Variants in NBEAL1 observed in about 807,000 individuals in gnomAD.
NBEAL1 encodes neurobeachin like 1, also known as neurobeachin-like protein 1.
A neutral mutation model predicts 351.3 loss-of-function variants in NBEAL1; 273 were observed. That is an observed-to-expected ratio of 0.78 (90% CI 0.70 to 0.86). The LOEUF (loss-of-function observed/expected upper bound fraction) is 0.86, where lower values mean the gene tolerates loss of function less well. NBEAL1 is among the 40% of genes least tolerant of loss of function. The pLI is 0.00. For missense variants in NBEAL1, 2,961 were observed against 3,201.3 expected (o/e 0.92, Z 1.81); for synonymous variants, 1,050 against 1,086.4 (o/e 0.97, Z 0.66).
chr2:203,199,805 C>A (rs2065344277), intron 49 of NBEAL1, among the ~76,000 whole-genome samples: 2 of 151,930 alleles, frequency 1.3e-5, no homozygotes, highest in Non-Finnish European at 2.9e-5. Context: ...ATTATCTCTT[C>A]TTCCCTCCTT....
chr2:203,177,579 C>A (rs2064548900), intron 42 of NBEAL1, among the ~76,000 whole-genome samples: 1 of 152,108 alleles, frequency 6.6e-6, no homozygotes, highest in Non-Finnish European at 1.5e-5. Flanking sequence ...CACTTCACAC[C>A]CACTATGATA....
intron 24 of NBEAL1, 38 bp downstream of exon 24, chr2:203,127,975 C>T (rs1211481500): frequency 2.1e-6 from 3 of 1,462,530 alleles, no homozygotes; most frequent in South Asian, 2.5e-5. Context: ...TCCTTTTTAA[C>T]ATTTGAGTTG....
At position 203,224,330 on chromosome 2, in the gene NBEAL1, C is replaced by A. The variant is rs976716338; in HGVS notation, c.*6976C>A. Among the ~76,000 whole-genome samples, 1 of 152,046 alleles carries A rather than the reference C, an allele frequency of 6.6e-6. No homozygotes were observed. The highest frequency in any genetic ancestry group is 2.4e-5 in the African/African-American group (1 of 41,446). On this transcript the variant is annotated 3_prime_UTR_variant, in exon 56 of 56. Transcript: ENST00000683969. ...GTTGGTTCCATTTAGAAACTCTTAACAGGTATGGCTTTCATTCCTCCAGTT... is the reference window on the plus strand; with the variant it reads ...GTTGGTTCCATTTAGAAACTCTTAAAAGGTATGGCTTTCATTCCTCCAGTT...
Position 203,223,588 on chromosome 2 carries a change from A to C in NBEAL1, c.*6234A>C, listed in dbSNP as rs536265480. On this transcript the variant is annotated 3_prime_UTR_variant, in exon 56 of 56. Transcript: ENST00000683969. The stretch of plus-strand genomic sequence containing the variant: ...AAATTAGGATTTAGGTGGGATTTTT[A>C]AAAATTTATCAATTCAGCTACTTTT... 6.6e-6 allele frequency among the ~76,000 whole-genome samples: 1 copy of C among 152,214 alleles called. No individual in the cohort carries two copies. Among genetic ancestry groups the C allele is most frequent in the African/African-American group, 2.4e-5 (1 of 41,580 alleles).
chr2:203,158,852 C>T (rs2063869603), intron 36 of NBEAL1, among the ~76,000 whole-genome samples: 1 of 127,524 alleles, frequency 7.8e-6, no homozygotes, highest in East Asian at 2.5e-4. Context: ...CAGGATCTCG[C>T]TGTGTCACCT....
chr2:203,200,695 A>G (rs932771721), intron 49 of NBEAL1, among the ~76,000 whole-genome samples: 1 of 152,144 alleles, frequency 6.6e-6, no homozygotes, highest in African/African-American at 2.4e-5. Context: ...CTCCACCTCA[A>G]AAAAACTAAA....
At chr2:203,121,451 GA>G (rs1251464010) in intron 18 of NBEAL1, among the ~76,000 whole-genome samples, 1 of 151,960 alleles carries the variant, frequency 6.6e-6, no homozygotes, top group Non-Finnish European at 1.5e-5. Flanking sequence ...TCAGGAGTTC[GA>G]GACCAGCCTG....
At chr2:203,097,194 T>G (rs967423898) in intron 10 of NBEAL1, among the ~76,000 whole-genome samples, 3 of 152,074 alleles carry the variant, frequency 2.0e-5, no homozygotes, top group African/African-American at 7.2e-5. Flanking sequence ...ACATGGGAAT[T>G]TGGGGAGCTA....
At chr2:203,055,802 G>A (rs926351157) in intron 4 of NBEAL1, among the ~76,000 whole-genome samples, 4 of 151,998 alleles carry the variant, frequency 2.6e-5, no homozygotes, top group Non-Finnish European at 5.9e-5. Flanking sequence ...TTATAAAAAG[G>A]GAATAAAAAT....
chr2:203,057,171 T>A (rs2061418190), intron 5 of NBEAL1, among the ~76,000 whole-genome samples, 155 bp from the exon 6 acceptor site: 1 of 152,240 alleles, frequency 6.6e-6, no homozygotes, highest in South Asian at 2.1e-4. Context: ...AAAGCTATCG[T>A]AGGACATATT....
intron 46 of NBEAL1, 172 bp downstream of exon 46, chr2:203,190,561 C>G (rs529265395): frequency 3.6e-5 from 25 of 687,150 alleles, no homozygotes; most frequent in Non-Finnish European, 5.6e-5. Flanking sequence ...AACTGAGTAC[C>G]TATTAGGGTA....
At chr2:203,074,219 A>G (rs776157930) in intron 7 of NBEAL1, among the ~76,000 whole-genome samples, 4 of 151,798 alleles carry the variant, frequency 2.6e-5, no homozygotes, top group Non-Finnish European at 5.9e-5. Flanking sequence ...TGCAATTTGT[A>G]TTTGTCAATT....
rs116638181 is a variant in NBEAL1, at chr2:203,082,098, A to G, written c.685-1121A>G. ...GAAGACCTTGTCTGAAAAAATAAAA[A>G]ACAAAATAAAGAGGTCCTGAAAAGC... On this transcript the variant is annotated intron_variant, in intron 8 of 55. Transcript: ENST00000683969. Among the ~76,000 whole-genome samples, 567 of 152,266 alleles carry G rather than the reference A, an allele frequency of 3.7e-3. 8 individuals are homozygous for G. The highest frequency in any genetic ancestry group is 0.013 in the African/African-American group (534 of 41,554).
chr2:203,087,154 C>T (rs190811254), intron 10 of NBEAL1, among the ~76,000 whole-genome samples: 3 of 136,014 alleles, frequency 2.2e-5, no homozygotes, highest in East Asian at 2.2e-4. Context: ...AGTGCAGTGG[C>T]GCAGTCTCTG....
chr2:203,199,525 C>A, intron 49 of NBEAL1, 78 bp downstream of exon 49: 12 of 665,652 alleles, frequency 1.8e-5, no homozygotes, highest in Non-Finnish European at 2.3e-5. Flanking sequence ...TTAATTGATT[C>A]ATTTATTCTG....
intron 4 of NBEAL1, among the ~76,000 whole-genome samples, chr2:203,051,008 A>G (rs1239598543): frequency 1.3e-5 from 2 of 152,234 alleles, no homozygotes; most frequent in Non-Finnish European, 2.9e-5. Flanking sequence ...TTTCTAAAAC[A>G]TACATTATTT....
chr2:203,049,746 A>G, intron 3 of NBEAL1, 68 bp from the exon 4 acceptor site: 1 of 1,374,138 alleles, frequency 7.3e-7, no homozygotes, highest in Non-Finnish European at 9.8e-7. Flanking sequence ...AATGAAGTTC[A>G]TTTAAATGCC....
chr2:203,172,326 G>A (rs2064347017), intron 40 of NBEAL1, among the ~76,000 whole-genome samples: 2 of 152,040 alleles, frequency 1.3e-5, no homozygotes, highest in Non-Finnish European at 2.9e-5. Context: ...TTTGAGACGA[G>A]CCTAGTCAAC....
chr2:203,108,129 C>T lies in NBEAL1; in HGVS notation c.1890C>T (p.Asp630=). 2 of 1,551,986 alleles carry T rather than the reference C, an allele frequency of 1.3e-6. No individual in the cohort carries two copies. Among genetic ancestry groups the T allele is most frequent in the Non-Finnish European group, 1.7e-6 (2 of 1,147,052 alleles). ...AFSFSAWFCL[D]QDQLTLGIAN... ...CTTTCAGTGCTTGGTTTTGCTTAGA[C>T]CAGGATCAGTTGACTCTTGGCATTG... is the stretch of plus-strand genomic sequence containing the variant. The change falls in exon 14 of 56, where the codon GAC becomes GAT. Residue 630 remains aspartate (D), a synonymous_variant. Coordinates refer to ENST00000683969, the MANE Select transcript of NBEAL1 (RefSeq NM_001378026.1).
Sources: allele counts gnomAD v4.1 joint callset (sites outside exome capture counted in the v4.1 genomes callset), GRCh38; gene constraint gnomAD v4.1.1; transcripts MANE v1.5; gene names NCBI Gene and HGNC (gene_info 2026-07-23, HGNC 2026-07-21).